ACER3: variants seen among roughly 807,000 people sequenced by gnomAD.
The protein encoded by ACER3 is alkaline ceramidase 3.
A neutral mutation model predicts 48.9 loss-of-function variants in ACER3; 16 were observed. The observed-to-expected ratio is 0.33, with a 90% CI of 0.22 to 0.50. ACER3 has a LOEUF of 0.50. Ranked by LOEUF, ACER3 falls within the 20% of genes least tolerant of loss-of-function variation. The pLI, the probability that ACER3 is intolerant of heterozygous loss-of-function variation, is 0.98. For synonymous variants in ACER3, 109 were observed against 107.8 expected, an observed-to-expected ratio of 1.01 and a Z score of -0.07; for missense variants, 227 against 326.0, an observed-to-expected ratio of 0.70 and a Z score of 2.34.
chr11:77,018,122 T>C (rs7101915), intron 9 of ACER3, among the ~76,000 whole-genome samples: 3,204 of 152,086 alleles, frequency 0.021, 114 homozygotes, highest in African/African-American at 0.074. Context: ...GTGCTTTTAG[T>C]AGAGACAGGC....
intron 1 of ACER3, among the ~76,000 whole-genome samples, chr11:76,880,177 T>G (rs1945486624): frequency 6.6e-6 from 1 of 152,234 alleles, no homozygotes; most frequent in Non-Finnish European, 1.5e-5. Flanking sequence ...ATTGTTTATT[T>G]TTTCCTTCTA....
intron 3 of ACER3, among the ~76,000 whole-genome samples, chr11:76,963,066 C>T (rs1948038556): frequency 6.6e-6 from 1 of 151,300 alleles, no homozygotes; most frequent in African/African-American, 2.5e-5. Flanking sequence ...AGTGCACCTG[C>T]ACAGATAAGC....
rs560460824 is a variant in ACER3, at chr11:76,892,897, C to T, written c.103+31818C>T. Reference sequence around the variant, plus strand: ...TTGTCCCTGTTTGTGGATGACGTGACCTTTATATAGAAAAACCTGAAGACT... The same window carrying T: ...TTGTCCCTGTTTGTGGATGACGTGATCTTTATATAGAAAAACCTGAAGACT... On this transcript the variant is annotated intron_variant, in intron 1 of 10. Transcript: ENST00000532485. Among the ~76,000 whole-genome samples the T allele has an allele frequency of 2.0e-5, 3 of 152,142 alleles. No individual in the cohort carries two copies. The South Asian group carries it at 6.2e-4, about 32-fold the overall frequency.
intron 1 of ACER3, among the ~76,000 whole-genome samples, chr11:76,870,944 G>A (rs1022859954): frequency 8.5e-5 from 13 of 152,178 alleles, no homozygotes; most frequent in African/African-American, 2.7e-4. Flanking sequence ...GGGGTTTAAT[G>A]TACAAAGTTC....
At chr11:76,952,703 A>G (rs1231368146) in intron 2 of ACER3, among the ~76,000 whole-genome samples, 16 of 122,790 alleles carry the variant, frequency 1.3e-4, no homozygotes, top group East Asian at 5.1e-4. Context: ...GTCTCATTCT[A>G]TCGCCCAGGC....
At chr11:76,969,623 G>T (rs1272913418) in intron 3 of ACER3, among the ~76,000 whole-genome samples, 83 of 151,512 alleles carry the variant, frequency 5.5e-4, no homozygotes, top group Non-Finnish European at 9.9e-4. Context: ...CCATAAAAAA[G>T]GATGAGTTCA....
At chr11:76,959,456 C>T (rs117713275) in intron 3 of ACER3, among the ~76,000 whole-genome samples, 4,633 of 152,182 alleles carry the variant, frequency 0.03, 96 homozygotes, top group South Asian at 0.064. Context: ...ACCTGTGGGC[C>T]GCATGTGACC....
chr11:76,899,798 T>G (rs568470675), intron 1 of ACER3, among the ~76,000 whole-genome samples: 5 of 152,302 alleles, frequency 3.3e-5, no homozygotes, highest in Admixed American at 2.6e-4. Context: ...CTTTCCTATT[T>G]TTGCACATAT....
At chr11:76,973,098 C>G (rs552060152) in intron 3 of ACER3, among the ~76,000 whole-genome samples, 1 of 152,292 alleles carries the variant, frequency 6.6e-6, no homozygotes, top group Admixed American at 6.5e-5. Context: ...GAGGCCAGGC[C>G]CATGGAGCAG....
chr11:76,916,900 A>G (rs1946545963), intron 1 of ACER3, among the ~76,000 whole-genome samples: 1 of 152,106 alleles, frequency 6.6e-6, no homozygotes, highest in South Asian at 2.1e-4. Flanking sequence ...CTAAAGCAGC[A>G]TTTTAGACCT....
At chr11:76,945,031 T>C (rs947964188) in intron 2 of ACER3, among the ~76,000 whole-genome samples, 4 of 152,020 alleles carry the variant, frequency 2.6e-5, no homozygotes, top group Admixed American at 1.3e-4. Flanking sequence ...TGTTTTTTTT[T>C]CAATGGATTT....
intron 1 of ACER3, among the ~76,000 whole-genome samples, chr11:76,913,654 C>T (rs548868055): frequency 1.1e-4 from 16 of 152,202 alleles, no homozygotes; most frequent in East Asian, 3.9e-4. Context: ...CAATGCCATC[C>T]GCATCAAGCT....
chr11:76,991,275 ATT>A (rs1453131971), intron 6 of ACER3, among the ~76,000 whole-genome samples: 3 of 152,226 alleles, frequency 2.0e-5, no homozygotes, highest in African/African-American at 7.2e-5. Flanking sequence ...CCTTTTCACC[ATT>A]CTTTTAACAA....
rs897565421 is a variant in ACER3, at chr11:76,868,011, C to T, written c.103+6932C>T. 4.4e-6 allele frequency: 4 copies of T among 915,356 alleles called. No homozygotes were observed. The African/African-American group carries it at 5.3e-5, about 12-fold the overall frequency. The allele number at this position is 915,356 out of a possible 1,614,324, so 56.7% of individuals were successfully genotyped here. On this transcript the variant is annotated intron_variant, in intron 1 of 10. Coordinates refer to ENST00000532485, the MANE Select transcript of ACER3 (RefSeq NM_018367.7). ...CTTTTTTTTCCTTGCTGCTGCAGCA[C>T]AAGACAAAAGGGGCTTTAATCAGCT...
At chr11:77,000,797 C>T (rs1949017975) in intron 7 of ACER3, among the ~76,000 whole-genome samples, 1 of 152,172 alleles carries the variant, frequency 6.6e-6, no homozygotes, top group Admixed American at 6.5e-5. Context: ...CAATACCACA[C>T]AGTCTTGATT....
At chr11:76,919,063 A>G (rs1946615331) in intron 1 of ACER3, among the ~76,000 whole-genome samples, 1 of 152,236 alleles carries the variant, frequency 6.6e-6, no homozygotes, top group Non-Finnish European at 1.5e-5. Context: ...CTGACTGGGC[A>G]GGACGGCTTT....
intron 2 of ACER3, among the ~76,000 whole-genome samples, chr11:76,944,927 T>C (rs972808561): frequency 1.3e-5 from 2 of 152,054 alleles, no homozygotes; most frequent in Non-Finnish European, 2.9e-5. Context: ...TATTTTTGTC[T>C]GATTGGATTA....
At chr11:76,936,636 A>G (rs1947193387) in intron 2 of ACER3, among the ~76,000 whole-genome samples, 1 of 152,136 alleles carries the variant, frequency 6.6e-6, no homozygotes, top group South Asian at 2.1e-4. Context: ...AAGCAAACTC[A>G]AAAGCAAAAG....
chr11:76,954,464 T>A (rs2135006390), intron 2 of ACER3, among the ~76,000 whole-genome samples: 1 of 152,320 alleles, frequency 6.6e-6, no homozygotes, highest in Non-Finnish European at 1.5e-5. Context: ...AATTCTAGCT[T>A]AAATATTACT....
Sources: allele counts gnomAD v4.1 joint callset (sites outside exome capture counted in the v4.1 genomes callset), GRCh38; gene constraint gnomAD v4.1.1; transcripts MANE v1.5; gene names NCBI Gene and HGNC (gene_info 2026-07-23, HGNC 2026-07-21).